RORA: variants seen among roughly 807,000 people sequenced by gnomAD.
RORA encodes RAR related orphan receptor A, also known as nuclear receptor ROR-alpha.
Under a neutral mutation model 69.5 loss-of-function variants are expected in RORA, and 7 were observed. That is an observed-to-expected ratio of 0.10 (90% CI 0.06 to 0.19). RORA has a LOEUF of 0.19. Among genes scored for constraint, RORA ranks in the 10% least tolerant of loss-of-function variants. The pLI, the probability that RORA is intolerant of heterozygous loss-of-function variation, is 1.00. For synonymous variants in RORA, 261 were observed against 240.8 expected (o/e 1.08, Z -0.78); for missense variants, 457 against 663.0 (o/e 0.69, Z 3.41).
chr15:60,911,069 AT>A (rs528370848), intron 1 of RORA, among the ~76,000 whole-genome samples: 209 of 89,554 alleles, frequency 2.3e-3, no homozygotes, highest in African/African-American at 3.4e-3. Context: ...TGCCCAGCTA[AT>A]TTTTTTTTTT....
intron 2 of RORA, among the ~76,000 whole-genome samples, chr15:60,642,538 C>T (rs761386304): frequency 9.8e-5 from 15 of 152,298 alleles, no homozygotes; most frequent in Middle Eastern, 3.4e-3. Flanking sequence ...GTCCTTCCTA[C>T]AAGGATTCCT....
chr15:60,698,114 A>G (rs182633403), intron 1 of RORA, among the ~76,000 whole-genome samples: 2 of 152,328 alleles, frequency 1.3e-5, no homozygotes, highest in Admixed American at 1.3e-4. Context: ...ATCAAGTCTC[A>G]GTTTCAAGTG....
At chr15:60,736,352 C>A (rs892405208) in intron 1 of RORA, among the ~76,000 whole-genome samples, 1 of 152,152 alleles carries the variant, frequency 6.6e-6, no homozygotes, top group South Asian at 2.1e-4. Context: ...AAATACAACC[C>A]ATTCTGTCTC....
chr15:60,746,504 G>C (rs1221252033), intron 1 of RORA, among the ~76,000 whole-genome samples: 2 of 151,944 alleles, frequency 1.3e-5, no homozygotes, highest in African/African-American at 4.8e-5. Flanking sequence ...TTAAAAATTG[G>C]AAAGGGAGAG....
At chr15:60,595,030 CTGTTT>C (rs201901798) in intron 2 of RORA, among the ~76,000 whole-genome samples, 6,003 of 113,940 alleles carry the variant, frequency 0.053, 152 homozygotes, top group Non-Finnish European at 0.068. Context: ...AAACTATAGG[CTGTTT>C]TTTTTTTTTA....
At chr15:60,505,415 T>C in intron 6 of RORA, 93 bp downstream of exon 6, 1 of 1,225,196 alleles carries the variant, frequency 8.2e-7, no homozygotes, top group South Asian at 1.3e-5. Flanking sequence ...ACATTCATTC[T>C]TTAGTCTGTG....
intron 2 of RORA, among the ~76,000 whole-genome samples, chr15:60,638,497 T>A (rs2069881191): frequency 6.6e-6 from 1 of 151,692 alleles, no homozygotes; most frequent in African/African-American, 2.4e-5. Context: ...AAGTGCAAAG[T>A]TACAAAAAGT....
intron 1 of RORA, among the ~76,000 whole-genome samples, chr15:60,869,048 G>A (rs1314407713): frequency 1.3e-5 from 2 of 152,072 alleles, no homozygotes; most frequent in African/African-American, 4.8e-5. Context: ...CACTCCATCA[G>A]GCACCCCCCC....
chr15:61,042,470 G>A (rs944432808), intron 1 of RORA, among the ~76,000 whole-genome samples: 4 of 152,156 alleles, frequency 2.6e-5, no homozygotes, highest in African/African-American at 9.7e-5. Flanking sequence ...GCTGGAGTAC[G>A]GATGTGTAGT....
chr15:60,625,877 A>T (rs992148638), intron 2 of RORA, among the ~76,000 whole-genome samples: 6 of 152,248 alleles, frequency 3.9e-5, no homozygotes, highest in African/African-American at 1.4e-4. Context: ...TGTATCATGT[A>T]CCTATGTGTC....
chr15:61,037,559 C>T (rs1896523143), intron 1 of RORA, among the ~76,000 whole-genome samples: 1 of 152,192 alleles, frequency 6.6e-6, no homozygotes, highest in African/African-American at 2.4e-5. Flanking sequence ...TGCTGCCTCA[C>T]TTCATGGGAA....
chr15:60,508,907 C>G (rs927331840), intron 5 of RORA, among the ~76,000 whole-genome samples: 1 of 152,110 alleles, frequency 6.6e-6, no homozygotes, highest in Non-Finnish European at 1.5e-5. Flanking sequence ...AATTGTACAC[C>G]AAGGGCAAAA....
intron 2 of RORA, among the ~76,000 whole-genome samples, chr15:60,659,313 C>A (rs2070268326): frequency 6.6e-6 from 1 of 152,134 alleles, no homozygotes; most frequent in African/African-American, 2.4e-5. Context: ...CTTCTGTAAG[C>A]AAGTAGAACT....
intron 1 of RORA, among the ~76,000 whole-genome samples, chr15:60,815,290 A>C (rs985519488): frequency 6.6e-6 from 1 of 152,186 alleles, no homozygotes; most frequent in Admixed American, 6.5e-5. Context: ...AAGGAACTGT[A>C]TTAGAGGCCT....
At chr15:61,033,419 C>CAAACAAAAGA (rs1555403817) in intron 1 of RORA, among the ~76,000 whole-genome samples, 1 of 150,534 alleles carries the variant, frequency 6.6e-6, no homozygotes, top group African/African-American at 2.5e-5. Context: ...AAAAAAAAAA[C>CAAACAAAAGA]AAAAACCAGT....
At chr15:60,754,299 G>A (rs2071766935) in intron 1 of RORA, among the ~76,000 whole-genome samples, 1 of 152,018 alleles carries the variant, frequency 6.6e-6, no homozygotes. Context: ...AGGTTTCGTT[G>A]TGCATTCTTC....
chr15:60,680,829 C>T (rs921371698), intron 1 of RORA, among the ~76,000 whole-genome samples: 1 of 152,028 alleles, frequency 6.6e-6, no homozygotes, highest in African/African-American at 2.4e-5. Flanking sequence ...TTATTATAGC[C>T]AATGAAGATA....
At position 61,145,814 on chromosome 15, in the gene RORA, C is replaced by A. The variant is rs183550749; in HGVS notation, c.166+83239G>T. Among the ~76,000 whole-genome samples the A allele has an allele frequency of 2.6e-5, 4 of 152,240 alleles. No homozygotes were observed. The East Asian group carries it at 5.8e-4, about 22-fold the overall frequency. On this transcript the variant is annotated intron_variant, in intron 1 of 10. Coordinates refer to ENST00000335670, the MANE Select transcript of RORA (RefSeq NM_134261.3). The stretch of plus-strand genomic sequence containing the variant: ...TTCAGCCAAGAGAAGGGGGCAGTAT[C>A]CCAGCACCATCATTTTCCTTTTAAA...
chr15:61,209,055 T>C (rs1412880388), intron 1 of RORA, among the ~76,000 whole-genome samples: 1 of 152,222 alleles, frequency 6.6e-6, no homozygotes, highest in Admixed American at 6.5e-5. Flanking sequence ...GAAGGTTCTT[T>C]CCTTACCCTA....
Sources: allele counts gnomAD v4.1 joint callset (sites outside exome capture counted in the v4.1 genomes callset), GRCh38; gene constraint gnomAD v4.1.1; transcripts MANE v1.5; gene names NCBI Gene and HGNC (gene_info 2026-07-23, HGNC 2026-07-21).